CTNNA2: variants seen among roughly 807,000 people sequenced by gnomAD.
CTNNA2 encodes the protein catenin alpha-2.
A neutral mutation model predicts 101.0 loss-of-function variants in CTNNA2; 42 were observed. That is an observed-to-expected ratio of 0.42 (90% CI 0.32 to 0.54). The LOEUF is 0.54. Among genes scored for constraint, CTNNA2 ranks in the 20% least tolerant of loss-of-function variants. The pLI is 0.14. For missense variants in CTNNA2, 871 were observed against 1,223.1 expected, an observed-to-expected ratio of 0.71 and a Z score of 4.29; for synonymous variants, 450 against 456.4, an observed-to-expected ratio of 0.99 and a Z score of 0.18.
chr2:79,542,368 G>A (rs1047017702), intron 1 of CTNNA2, among the ~76,000 whole-genome samples: 1 of 152,142 alleles, frequency 6.6e-6, no homozygotes, highest in East Asian at 1.9e-4. Flanking sequence ...TTCTTTATGA[G>A]TTTTGCAAAC....
intron 9 of CTNNA2, among the ~76,000 whole-genome samples, chr2:80,463,867 G>A (rs1684650216): frequency 6.6e-6 from 1 of 152,138 alleles, no homozygotes; most frequent in Admixed American, 6.6e-5. Flanking sequence ...AGAATTCATT[G>A]TTTTACCCAC....
chr2:79,257,576 A>G (rs1674864517), intron 2 of CTNNA2, among the ~76,000 whole-genome samples: 1 of 152,068 alleles, frequency 6.6e-6, no homozygotes, highest in Non-Finnish European at 1.5e-5. Context: ...AAAAGAAGTC[A>G]TAGGAAAAAG....
At chr2:79,300,734 A>G (rs752389136) in intron 2 of CTNNA2, among the ~76,000 whole-genome samples, 1 of 152,134 alleles carries the variant, frequency 6.6e-6, no homozygotes, top group Non-Finnish European at 1.5e-5. Flanking sequence ...TCCACTAACC[A>G]CTGTGATACT....
chr2:80,170,215 C>CTG (rs1245447346), intron 7 of CTNNA2, among the ~76,000 whole-genome samples: 2 of 150,674 alleles, frequency 1.3e-5, no homozygotes, highest in African/African-American at 4.9e-5. Flanking sequence ...CTCTATCTCT[C>CTG]TCTCTCTCTC....
intron 7 of CTNNA2, chr2:80,298,745 G>T (rs1675984821): frequency 6.6e-6 from 1 of 152,190 alleles, no homozygotes. Flanking sequence ...ATTTTTAAAT[G>T]GTTGAGAAAA....
At chr2:80,521,382 C>T (rs927229328) in intron 9 of CTNNA2, among the ~76,000 whole-genome samples, 8 of 152,172 alleles carry the variant, frequency 5.3e-5, no homozygotes, top group African/African-American at 1.7e-4. Context: ...ATCATTGCTC[C>T]CTGATCCCCC....
intron 7 of CTNNA2, among the ~76,000 whole-genome samples, chr2:80,336,769 T>C (rs79296362): frequency 6.6e-6 from 1 of 152,342 alleles, no homozygotes; most frequent in East Asian, 1.9e-4. Context: ...CATTAGACTA[T>C]AGTTTTAAAA....
chr2:80,384,746 C>T (rs1371865518), intron 7 of CTNNA2, among the ~76,000 whole-genome samples: 1 of 151,936 alleles, frequency 6.6e-6, no homozygotes, highest in African/African-American at 2.4e-5. Context: ...GTAATTTGTG[C>T]TGGGGAAAAC....
chr2:80,474,132 C>A (rs917034303), intron 9 of CTNNA2, among the ~76,000 whole-genome samples: 5 of 151,974 alleles, frequency 3.3e-5, no homozygotes, highest in African/African-American at 1.2e-4. Flanking sequence ...TGGTAGAGAC[C>A]TATTTTTAAA....
Position 80,541,179 on chromosome 2 carries a change from C to A in CTNNA2, c.1291-3803C>A, listed in dbSNP as rs148790783. Among the ~76,000 whole-genome samples the A allele has an allele frequency of 2.4e-4, 37 of 152,282 alleles. 1 individual carries two copies. In the East Asian group the frequency reaches 7.0e-3, roughly 29 times the overall value. ...TAGGGATTTGGATAGAGCCCATGACCAACTTAAAATATGTAAGCCTGCCTC... is the reference window on the plus strand; with the variant it reads ...TAGGGATTTGGATAGAGCCCATGACAAACTTAAAATATGTAAGCCTGCCTC... On this transcript the variant is annotated intron_variant, in intron 9 of 18. Coordinates refer to ENST00000402739, the MANE Select transcript of CTNNA2 (RefSeq NM_001282597.3).
At chr2:80,625,561 CATT>C (rs369492497) in intron 18 of CTNNA2, among the ~76,000 whole-genome samples, 15 of 152,096 alleles carry the variant, frequency 9.9e-5, no homozygotes, top group African/African-American at 3.4e-4. Flanking sequence ...ACTTAAATGT[CATT>C]ATATTTCTCT....
At chr2:80,263,469 G>A (rs1331394752) in intron 7 of CTNNA2, among the ~76,000 whole-genome samples, 1 of 152,096 alleles carries the variant, frequency 6.6e-6, no homozygotes, top group South Asian at 2.1e-4. Context: ...CGAGTAGATG[G>A]GATTACAGGC....
chr2:79,329,184 C>T (rs988360217), intron 3 of CTNNA2, among the ~76,000 whole-genome samples: 4 of 152,110 alleles, frequency 2.6e-5, no homozygotes. Context: ...CAGTACAGTG[C>T]CTGAATGTTC....
intron 7 of CTNNA2, among the ~76,000 whole-genome samples, chr2:79,976,725 T>C (rs978187640): frequency 1.5e-4 from 23 of 152,194 alleles, no homozygotes; most frequent in Non-Finnish European, 4.4e-5. Flanking sequence ...CCAAAATGTA[T>C]ATAGTACAGA....
chr2:79,850,501 C>T (rs1367081707), intron 3 of CTNNA2, among the ~76,000 whole-genome samples: 1 of 149,972 alleles, frequency 6.7e-6, no homozygotes, highest in African/African-American at 2.4e-5. Context: ...AACTGAATAA[C>T]ATAATTTACT....
intron 7 of CTNNA2, among the ~76,000 whole-genome samples, chr2:80,066,152 C>G (rs962935788): frequency 6.6e-6 from 1 of 152,072 alleles, no homozygotes; most frequent in Non-Finnish European, 1.5e-5. Flanking sequence ...TTGTGTAACT[C>G]AAAAAGATAT....
At chr2:80,445,679 A>G (rs1256945388) in intron 9 of CTNNA2, among the ~76,000 whole-genome samples, 1 of 152,184 alleles carries the variant, frequency 6.6e-6, no homozygotes, top group Non-Finnish European at 1.5e-5. Context: ...AACTCTGGTG[A>G]TTCTGACACA....
intron 7 of CTNNA2, among the ~76,000 whole-genome samples, chr2:79,942,421 G>A (rs1342081024): frequency 1.3e-5 from 2 of 152,114 alleles, no homozygotes; most frequent in African/African-American, 4.8e-5. Flanking sequence ...TTGATAAGAG[G>A]TTGTTCTCAG....
intron 4 of CTNNA2, among the ~76,000 whole-genome samples, chr2:79,426,593 A>G (rs796890069): frequency 2.6e-5 from 4 of 152,284 alleles, no homozygotes; most frequent in African/African-American, 9.6e-5. Context: ...TTAGACATGC[A>G]TTAGAGAAAA....
Sources: gnomAD v4.1 joint callset for allele counts (sites outside exome capture counted in the v4.1 genomes callset) on GRCh38, gnomAD v4.1.1 for gene constraint, MANE v1.5 for transcripts, NCBI Gene and HGNC (gene_info 2026-07-23, HGNC 2026-07-21) for gene names.